Variants in HDX observed in about 807,000 individuals in gnomAD.
HDX encodes the protein highly divergent homeobox, also known as chromosome X open reading frame 43.
A neutral mutation model predicts 45.2 loss-of-function variants in HDX; 19 were observed. That is an observed-to-expected ratio of 0.42 (90% CI 0.29 to 0.62). HDX has a LOEUF of 0.62. Among genes scored for constraint, HDX ranks in the 20% least tolerant of loss-of-function variants. HDX has a pLI of 0.20. For missense variants in HDX, 532 were observed against 493.9 expected, an observed-to-expected ratio of 1.08 and a Z score of -0.73; for synonymous variants, 188 against 172.8, an observed-to-expected ratio of 1.09 and a Z score of -0.69.
intron 4 of HDX, among the ~76,000 whole-genome samples, chrX:84,444,268 C>A (rs948867676): frequency 1.8e-5 from 2 of 111,054 alleles, no homozygotes; most frequent in Admixed American, 1.9e-4. Flanking sequence ...TGGCAAAGTG[C>A]ATTTATATCT....
intron 3 of HDX, among the ~76,000 whole-genome samples, chrX:84,469,889 G>C (rs975559214): frequency 3.6e-5 from 4 of 111,049 alleles, no homozygotes; most frequent in African/African-American, 1.3e-4. Context: ...ATACATTTGT[G>C]GTAATTTATC....
At chrX:84,482,557 G>A (rs1035461513) in intron 2 of HDX, among the ~76,000 whole-genome samples, 1 of 111,475 alleles carries the variant, frequency 9.0e-6, no homozygotes, top group African/African-American at 3.3e-5. Flanking sequence ...CATAAGAATA[G>A]CATGGGAGAA....
chrX:84,416,932 A>G (rs1272404209), intron 5 of HDX, among the ~76,000 whole-genome samples: 1 of 109,861 alleles, frequency 9.1e-6, no homozygotes, highest in Non-Finnish European at 1.9e-5. Flanking sequence ...AGGCGGACAG[A>G]TCACTTGAGG....
chrX:84,356,694 C>T (rs1287746512), intron 6 of HDX, among the ~76,000 whole-genome samples: 4 of 98,335 alleles, frequency 4.1e-5, no homozygotes. Flanking sequence ...GCGATCTCGC[C>T]TCACTGCAAG....
chrX:84,408,076 T>A (rs1278912019), intron 5 of HDX, among the ~76,000 whole-genome samples: 1 of 111,897 alleles, frequency 8.9e-6, no homozygotes, highest in Non-Finnish European at 1.9e-5. Context: ...TTTTTGTTTT[T>A]GTTACTATTG....
chrX:84,355,140 T>A (rs1316428935), intron 6 of HDX, among the ~76,000 whole-genome samples: 2 of 108,407 alleles, frequency 1.8e-5, no homozygotes, highest in East Asian at 5.8e-4. Flanking sequence ...GCCATGCTCC[T>A]TTGAAAATAA....
intron 5 of HDX, among the ~76,000 whole-genome samples, chrX:84,411,201 G>T (rs944625957): frequency 1.8e-5 from 2 of 111,400 alleles, no homozygotes; most frequent in Non-Finnish European, 3.8e-5. Flanking sequence ...ACTTCTGCTG[G>T]TTTGGGGATT....
At chrX:84,496,241 T>C (rs1370409836) in intron 1 of HDX, among the ~76,000 whole-genome samples, 3 of 112,006 alleles carry the variant, frequency 2.7e-5, no homozygotes, top group Admixed American at 9.5e-5. Flanking sequence ...TTAGATCGCA[T>C]ATTTCTTTAC....
At chrX:84,355,172 C>T (rs1289324941) in intron 6 of HDX, among the ~76,000 whole-genome samples, 2 of 108,958 alleles carry the variant, frequency 1.8e-5, no homozygotes, top group East Asian at 2.9e-4. Context: ...AATATAAAAA[C>T]ATAAAGTTGT....
intron 8 of HDX, among the ~76,000 whole-genome samples, chrX:84,334,543 C>G (rs989913874): frequency 1.9e-5 from 2 of 107,738 alleles, no homozygotes; most frequent in African/African-American, 3.4e-5. Context: ...ACAGTAGGTA[C>G]TAACACTAAT....
intron 7 of HDX, among the ~76,000 whole-genome samples, chrX:84,340,889 T>C (rs753280996): frequency 9.0e-6 from 1 of 111,487 alleles, no homozygotes; most frequent in East Asian, 2.8e-4. Flanking sequence ...CTTTTTCTCA[T>C]TGTGTCTTGA....
At chrX:84,382,807 C>A (rs2038220209) in intron 5 of HDX, among the ~76,000 whole-genome samples, 2 of 110,398 alleles carry the variant, frequency 1.8e-5, no homozygotes, top group Non-Finnish European at 3.8e-5. Context: ...TGACTGTAGT[C>A]CATAATATAT....
At chrX:84,337,277 G>A (rs1263529821) in intron 7 of HDX, among the ~76,000 whole-genome samples, 3 of 110,213 alleles carry the variant, frequency 2.7e-5, no homozygotes, top group Non-Finnish European at 3.8e-5. Context: ...TCTATTGTGT[G>A]GATACATATA....
chrX:84,376,246 G>A lies in HDX; in HGVS notation c.1306-14634C>T, dbSNP rs185188164. The stretch of plus-strand genomic sequence containing the variant: ...GCTAGCAGCAATATCCAGGTACTAC[G>A]CCAAGGGTCTTGGGTGAGCCTCTGA... On this transcript the variant is annotated intron_variant, in intron 5 of 10. Coordinates refer to ENST00000373177, the MANE Select transcript of HDX (RefSeq NM_001177479.2). Among the ~76,000 whole-genome samples the A allele has an allele frequency of 5.3e-5, 6 of 112,434 alleles. No homozygotes were observed. The Admixed American group carries it at 5.7e-4, about 11-fold the overall frequency.
At chrX:84,483,388 A>G (rs2040729362) in intron 2 of HDX, among the ~76,000 whole-genome samples, 1 of 112,395 alleles carries the variant, frequency 8.9e-6, no homozygotes, top group African/African-American at 3.2e-5. Flanking sequence ...CCCAAACCTC[A>G]ATTCTTGACT....
At chrX:84,477,308 G>A (rs990633819) in intron 2 of HDX, among the ~76,000 whole-genome samples, 1 of 111,816 alleles carries the variant, frequency 8.9e-6, no homozygotes, top group Non-Finnish European at 1.9e-5. Context: ...AAAGCCTAAA[G>A]TACAAGATGT....
rs142087277 is a variant in HDX at position 84,493,274 on chromosome X, T to C, written c.-109-5142A>G. Among the ~76,000 whole-genome samples the C allele has an allele frequency of 8.9e-3, 1,003 of 112,144 alleles. 13 individuals are homozygous for C. Among genetic ancestry groups the C allele is most frequent in the African/African-American group, 0.031 (960 of 30,906 alleles). On this transcript the variant is annotated intron_variant, in intron 1 of 10. Transcript: ENST00000373177. ...TTAAGCTAGAATTTACTGAAATGTATTGTACACATCTCTTATCTGTCTTTT... is the reference window on the plus strand; with the variant it reads ...TTAAGCTAGAATTTACTGAAATGTACTGTACACATCTCTTATCTGTCTTTT...
intron 1 of HDX, among the ~76,000 whole-genome samples, chrX:84,488,430 A>C (rs973021643): frequency 2.7e-5 from 3 of 111,141 alleles, no homozygotes; most frequent in Admixed American, 9.6e-5. Context: ...ACTTTTGAAT[A>C]AATTAAATAT....
intron 9 of HDX, among the ~76,000 whole-genome samples, chrX:84,326,896 A>G (rs755192673): frequency 1.0e-5 from 1 of 99,322 alleles, no homozygotes; most frequent in African/African-American, 3.7e-5. Context: ...AGCCTGGGCA[A>G]CAAGAGTGAG....
Sources: allele counts gnomAD v4.1 joint callset (sites outside exome capture counted in the v4.1 genomes callset), GRCh38; gene constraint gnomAD v4.1.1; transcripts MANE v1.5; gene names NCBI Gene and HGNC (gene_info 2026-07-23, HGNC 2026-07-21).